Variants in GDAP1 observed in about 807,000 individuals in gnomAD.
GDAP1 encodes the protein ganglioside-induced differentiation-associated protein 1.
GDAP1 carries 34 observed loss-of-function variants against 40.1 expected under a neutral mutation model. That is an observed-to-expected ratio of 0.85 (90% CI 0.64 to 1.13). The LOEUF (loss-of-function observed/expected upper bound fraction) is 1.13. GDAP1 is among the 50% of genes most tolerant of loss of function. The probability of loss-of-function intolerance (pLI) is 0.00; values close to 1 mark genes in which losing one functional copy is unlikely to be tolerated. For missense variants in GDAP1, 374 were observed against 433.7 expected, an observed-to-expected ratio of 0.86 and a Z score of 1.22; for synonymous variants, 170 against 157.4, an observed-to-expected ratio of 1.08 and a Z score of -0.60.
At chr8:74,407,229 C>A (rs116805820) in intron 2 of GDAP1, among the ~76,000 whole-genome samples, 1 of 149,618 alleles carries the variant, frequency 6.7e-6, no homozygotes, top group Non-Finnish European at 1.5e-5. Flanking sequence ...ACCAGGAGTT[C>A]GAGACCAGCC....
At chr8:74,426,294 T>C (rs1805946756) in intron 2 of GDAP1, among the ~76,000 whole-genome samples, 1 of 152,242 alleles carries the variant, frequency 6.6e-6, no homozygotes, top group Non-Finnish European at 1.5e-5. Context: ...ATTCATACAA[T>C]ATAGTACTGG....
intron 2 of GDAP1, among the ~76,000 whole-genome samples, chr8:74,482,567 G>A (rs530948120): frequency 6.6e-6 from 1 of 152,214 alleles, no homozygotes; most frequent in Non-Finnish European, 1.5e-5. Context: ...TTAGATGATT[G>A]GGCATTCCTT....
At chr8:74,428,608 G>A (rs1480982305) in intron 2 of GDAP1, among the ~76,000 whole-genome samples, 5 of 140,604 alleles carry the variant, frequency 3.6e-5, no homozygotes, top group African/African-American at 2.6e-5. Flanking sequence ...CTGGGACTAC[G>A]GGCGTATGCC....
rs928641869 is a variant in GDAP1 at position 74,414,740 on chromosome 8, T to C, written c.165+63419T>C. On this transcript the variant is annotated intron_variant, in intron 2 of 2. Transcript: ENST00000523640. ...TGTCATCAGAGTCTCAGAATGAGGA[T>C]AAAGAATGCAAAACTGAGTGAAGAT... 1.0e-4 allele frequency among the ~76,000 whole-genome samples: 15 copies of C among 148,836 alleles called. 1 individual carries two copies. The highest frequency in any genetic ancestry group is 6.6e-4 in the Admixed American group (10 of 15,144).
chr8:74,422,333 C>CT (rs1159373229), intron 2 of GDAP1, among the ~76,000 whole-genome samples: 4 of 55,112 alleles, frequency 7.3e-5, no homozygotes, highest in African/African-American at 2.8e-4. Flanking sequence ...TTCTTTCTTT[C>CT]TTTCTTTCTT....
intron 2 of GDAP1, among the ~76,000 whole-genome samples, chr8:74,409,270 G>A (rs909679222): frequency 4.0e-5 from 6 of 149,918 alleles, no homozygotes; most frequent in Non-Finnish European, 5.9e-5. Context: ...TAAAGCTGAT[G>A]TTTATGGTTT....
rs144763303 is a variant in GDAP1, at chr8:74,366,570, G to C, written c.*2203G>C. On this transcript the variant is annotated 3_prime_UTR_variant, in exon 6 of 6. Transcript: ENST00000220822. The stretch of plus-strand genomic sequence containing the variant: ...TTTCATGATTATCGGTGACTGGTCA[G>C]TGTACTCATCAATTTCCAAAATTTG... The C allele has an allele frequency of 4.4e-6, 2 of 453,716 alleles. No individual in the cohort carries two copies. Among genetic ancestry groups the C allele is most frequent in the Non-Finnish European group, 8.8e-6 (2 of 226,612 alleles). The allele number at this position is 453,716 out of a possible 1,614,324, so 28.1% of individuals were successfully genotyped here.
chr8:74,374,664 G>A (rs1273723841), intron 2 of GDAP1, among the ~76,000 whole-genome samples: 1 of 151,880 alleles, frequency 6.6e-6, no homozygotes, highest in East Asian at 1.9e-4. Context: ...CAAATAGAAG[G>A]GATGTCACTA....
In GDAP1 at chr8:74,391,881, C is replaced by T. The variant is rs561490820; in HGVS notation, c.165+40560C>T. ...TTGCCCAGGCTGGAGTGCAATGGCC[C>T]GATCTTGGCTCACCACAACCTCTGC... On this transcript the variant is annotated intron_variant, in intron 2 of 2. Transcript: ENST00000523640. Among the ~76,000 whole-genome samples the T allele has an allele frequency of 2.8e-3, 424 of 152,174 alleles. 1 individual carries two copies. Among genetic ancestry groups the T allele is most frequent in the Non-Finnish European group, 4.5e-3 (306 of 67,974 alleles).
At chr8:74,413,393 G>A (rs1805739337) in intron 2 of GDAP1, among the ~76,000 whole-genome samples, 1 of 149,998 alleles carries the variant, frequency 6.7e-6, no homozygotes, top group South Asian at 2.1e-4. Flanking sequence ...ATCCAACACA[G>A]CCCAGCCCCA....
chr8:74,386,785 A>G (rs931092852), intron 2 of GDAP1, among the ~76,000 whole-genome samples: 1 of 152,130 alleles, frequency 6.6e-6, no homozygotes, highest in Admixed American at 6.6e-5. Flanking sequence ...CAGTATGGCC[A>G]TTTTCACAAT....
intron 2 of GDAP1, among the ~76,000 whole-genome samples, chr8:74,355,898 T>C (rs939641091): frequency 6.6e-6 from 1 of 152,124 alleles, no homozygotes; most frequent in Non-Finnish European, 1.5e-5. Context: ...TAAAATCACG[T>C]AAATCTTATT....
At position 74,387,295 on chromosome 8, in the gene GDAP1, C is replaced by T. The variant is rs181667321; in HGVS notation, c.165+35974C>T. On this transcript the variant is annotated intron_variant, in intron 2 of 2. Coordinates refer to the GDAP1 transcript ENST00000523640. ...GGACTGCTTCCAGCTTTTGCCCATT[C>T]AGTGTGATATTGGCCATGGGTTTGT... Among the ~76,000 whole-genome samples the T allele has an allele frequency of 6.5e-4, 99 of 152,280 alleles. 1 individual carries two copies. The highest frequency in any genetic ancestry group is 2.2e-3 in the African/African-American group (90 of 41,560).
At chr8:74,415,094 G>A (rs78231052) in intron 2 of GDAP1, among the ~76,000 whole-genome samples, 1 of 150,072 alleles carries the variant, frequency 6.7e-6, no homozygotes, top group African/African-American at 2.5e-5. Context: ...TCCTTCCAGA[G>A]TGAAAGAGTA....
At chr8:74,440,026 G>A (rs1055454920) in intron 2 of GDAP1, among the ~76,000 whole-genome samples, 3 of 151,712 alleles carry the variant, frequency 2.0e-5, no homozygotes, top group African/African-American at 7.3e-5. Context: ...TGGCATTATT[G>A]GAAAATTTAA....
chr8:74,361,381 A>AGAT (rs1809354096), intron 3 of GDAP1, among the ~76,000 whole-genome samples: 1 of 151,732 alleles, frequency 6.6e-6, no homozygotes, highest in Non-Finnish European at 1.5e-5. Context: ...TCTTCATGGC[A>AGAT]GATATTCTTT....
At chr8:74,421,779 T>C (rs1805860471) in intron 2 of GDAP1, among the ~76,000 whole-genome samples, 1 of 152,172 alleles carries the variant, frequency 6.6e-6, no homozygotes, top group African/African-American at 2.4e-5. Flanking sequence ...GGCTGTGAGA[T>C]ACGACAACTG....
chr8:74,463,573 GTT>G (rs1806430700), intron 2 of GDAP1, among the ~76,000 whole-genome samples: 1 of 152,072 alleles, frequency 6.6e-6, no homozygotes, highest in Non-Finnish European at 1.5e-5. Context: ...GCTATGGAAA[GTT>G]TTAATAAAGC....
rs1200611233 is a variant in GDAP1 at position 74,365,003 on chromosome 8, G to C, written c.*636G>C. ...GATGGTCCGCAATTTGAATTACCAAGTGGTAATGGTTCCTTACTGTTTTAG... is the reference window on the plus strand; with the variant it reads ...GATGGTCCGCAATTTGAATTACCAACTGGTAATGGTTCCTTACTGTTTTAG... On this transcript the variant is annotated 3_prime_UTR_variant, in exon 6 of 6. Coordinates refer to ENST00000220822, the MANE Select transcript of GDAP1 (RefSeq NM_018972.4). 1 of 454,002 alleles carries C rather than the reference G, an allele frequency of 2.2e-6. No individual in the cohort carries two copies. The highest frequency in any genetic ancestry group is 4.4e-6 in the Non-Finnish European group (1 of 226,808). 28.1% of individuals were successfully genotyped at this position (454,002 alleles called of 1,614,324 possible).
Sources: allele counts gnomAD v4.1 joint callset (sites outside exome capture counted in the v4.1 genomes callset), GRCh38; gene constraint gnomAD v4.1.1; transcripts MANE v1.5; gene names NCBI Gene and HGNC (gene_info 2026-07-23, HGNC 2026-07-21).